The following ARHGEF1 variants were observed in gnomAD, a reference collection of about 807,000 sequenced individuals.
ARHGEF1 encodes 115 kDa guanine nucleotide exchange factor.
A neutral mutation model predicts 119.7 loss-of-function variants in ARHGEF1; 40 were observed. That is an observed-to-expected ratio of 0.33 (90% CI 0.26 to 0.44). The LOEUF (loss-of-function observed/expected upper bound fraction) is 0.44. ARHGEF1 is among the 20% of genes least tolerant of loss of function. The pLI is 1.00. For missense variants in ARHGEF1, 976 were observed against 1,268.3 expected, an observed-to-expected ratio of 0.77 and a Z score of 3.50; for synonymous variants, 494 against 521.0, an observed-to-expected ratio of 0.95 and a Z score of 0.71.
intron 18 of ARHGEF1, among the ~76,000 whole-genome samples, chr19:41,913,746 T>A (rs781785273): frequency 2.2e-5 from 3 of 135,838 alleles, no homozygotes; most frequent in Non-Finnish European, 4.7e-5. Context: ...AGATACTCCA[T>A]CCCCTCCTCA....
intron 11 of ARHGEF1, 62 bp from the exon 12 acceptor site, chr19:41,895,287 G>T: frequency 3.2e-6 from 5 of 1,545,168 alleles, no homozygotes; most frequent in Non-Finnish European, 4.4e-6. Context: ...GCATCCCCTG[G>T]CGGTTGTGGA....
chr19:41,910,179 G>T, downstream of ARHGEF1: 2 of 1,341,540 alleles, frequency 1.5e-6, no homozygotes, highest in Admixed American at 2.3e-5. The surrounding 1 kb of genome is among the most constrained non-coding windows in gnomAD (Gnocchi z 4.4). Flanking sequence ...AGTAACCTGG[G>T]AGGCATGTAG....
At chr19:41,926,731 G>A (rs1341609740) in intron 1 of ARHGEF1, among the ~76,000 whole-genome samples, 2 of 152,170 alleles carry the variant, frequency 1.3e-5, no homozygotes, top group African/African-American at 2.4e-5. Context: ...GAGCGGGCGG[G>A]GGGGCCGTTT....
chr19:41,925,982 G>A (rs1555853231), intron 1 of ARHGEF1, among the ~76,000 whole-genome samples: 2 of 152,084 alleles, frequency 1.3e-5, no homozygotes, highest in African/African-American at 4.8e-5. Flanking sequence ...AGGAATGTGT[G>A]TGTGAGTGTG....
intron 14 of ARHGEF1, among the ~76,000 whole-genome samples, chr19:41,898,952 A>G (rs1038682519): frequency 1.3e-5 from 2 of 152,208 alleles, no homozygotes; most frequent in South Asian, 2.1e-4. Context: ...AATGTTTAGC[A>G]TAGTGCTGGG....
chr19:41,907,424 T>G lies in ARHGEF1; in HGVS notation c.*337T>G. Reference sequence around the variant, plus strand: ...GTTTTTATACCCTGAATTGGAGGTTTATTTTTTAATATATATTATCTAAGA... The same window carrying G: ...GTTTTTATACCCTGAATTGGAGGTTGATTTTTTAATATATATTATCTAAGA... On this transcript the variant is annotated 3_prime_UTR_variant, in exon 29 of 29. Transcript: ENST00000354532. 2.0e-6 allele frequency: 3 copies of G among 1,527,848 alleles called. No individual in the cohort carries two copies. The highest frequency in any genetic ancestry group is 1.7e-6 in the Non-Finnish European group (2 of 1,143,686). 94.6% of individuals were successfully genotyped at this position (1,527,848 alleles called of 1,614,324 possible). A position where few individuals can be genotyped will look rare whatever the true frequency, so the allele number is the denominator to read the frequency against.
chr19:41,892,852 G>A lies in ARHGEF1; in HGVS notation c.614+3G>A. 2.0e-6 allele frequency: 3 copies of A among 1,526,196 alleles called. No homozygotes were observed. The allele number at this position is 1,526,196 out of a possible 1,614,324, so 94.5% of individuals were successfully genotyped here. ...CTCATGCACCTGGAGGAGATGCAGT[G>A]AGTAGGCCAGCCCTGGTGGGAGCGT... is the stretch of plus-strand genomic sequence containing the variant. On this transcript the variant is annotated splice_donor_region_variant and intron_variant, in intron 7 of 28. Coordinates refer to ENST00000354532, the MANE Select transcript of ARHGEF1 (RefSeq NM_004706.4). This position sits in a 1 kb window ranked among gnomAD's most constrained non-coding sequence, Gnocchi z 6.3.
At chr19:41,919,329 T>C (rs1001115757), upstream of ARHGEF1, among the ~76,000 whole-genome samples, 4 of 152,072 alleles carry the variant, frequency 2.6e-5, no homozygotes, top group Non-Finnish European at 4.4e-5. Context: ...TGCAGACACA[T>C]GCGCCATCCA....
At position 41,905,927 on chromosome 19, in the gene ARHGEF1, T is replaced by C. The variant is rs782800686; in HGVS notation, c.2405-12T>C. On this transcript the variant is annotated splice_polypyrimidine_tract_variant and intron_variant, in intron 25 of 28. Coordinates refer to ENST00000354532, the MANE Select transcript of ARHGEF1 (RefSeq NM_004706.4). This position sits in a 1 kb window ranked among gnomAD's most constrained non-coding sequence, Gnocchi z 6.4. ...GGCAGGATCTGAGCTCCCTCTCTGT[T>C]CCCCAATCCAGCCCGGACCGAGAGA... 5 of 1,613,868 alleles carry C rather than the reference T, an allele frequency of 3.1e-6. No individual in the cohort carries two copies. The highest frequency in any genetic ancestry group is 1.6e-4 in the Middle Eastern group (1 of 6,062).
Position 41,906,411 on chromosome 19 carries a change from C to G in ARHGEF1, c.2492-46C>G. On this transcript the variant is annotated intron_variant, in intron 26 of 28. Transcript: ENST00000354532. This position sits in a 1 kb window ranked among gnomAD's most constrained non-coding sequence, Gnocchi z 4.5. ...GGAATCCCCCATCCCAGATCCCAGC[C>G]CAGCCCCCTGGTCTCCTGACTCCAC... The G allele has an allele frequency of 6.6e-7, 1 of 1,516,460 alleles. No individual in the cohort carries two copies. Among genetic ancestry groups the G allele is most frequent in the South Asian group, 1.3e-5 (1 of 74,794 alleles). The allele number at this position is 1,516,460 out of a possible 1,614,324, so 93.9% of individuals were successfully genotyped here. A position where few individuals can be genotyped will look rare whatever the true frequency, so the allele number is the denominator to read the frequency against.
Position 41,899,516 on chromosome 19 carries a change from T to C in ARHGEF1, c.1267+929T>C, listed in dbSNP as rs552666952. 6.0e-5 allele frequency among the ~76,000 whole-genome samples: 9 copies of C among 151,152 alleles called. No homozygotes were observed. In the East Asian group the frequency reaches 1.7e-3, roughly 29 times the overall value. ...GCAAAAAGAGAAAGCTTTTTTTTTTTTTTTTTTTTTAAGACAGAGTTTTGC... is the reference window on the plus strand; with the variant it reads ...GCAAAAAGAGAAAGCTTTTTTTTTTCTTTTTTTTTTAAGACAGAGTTTTGC... On this transcript the variant is annotated intron_variant, in intron 14 of 28. Coordinates refer to ENST00000354532, the MANE Select transcript of ARHGEF1 (RefSeq NM_004706.4).
chr19:41,919,631 G>T (rs1317978909), upstream of ARHGEF1, among the ~76,000 whole-genome samples: 1 of 151,966 alleles, frequency 6.6e-6, no homozygotes, highest in Non-Finnish European at 1.5e-5. Context: ...CAAACACACA[G>T]CTGGTCTGTG....
In ARHGEF1 at chr19:41,905,622, G is replaced by C; in HGVS notation, c.2337-138G>C. On this transcript the variant is annotated intron_variant, in intron 24 of 28. Coordinates refer to ENST00000354532, the MANE Select transcript of ARHGEF1 (RefSeq NM_004706.4). This position sits in a 1 kb window ranked among gnomAD's most constrained non-coding sequence, Gnocchi z 6.4. ...TGTCTTCCATTGTCTGGGCCTCTCT[G>C]TCTCCCTGTCTCCCGGCCTCGACCT... The C allele has an allele frequency of 1.2e-6, 1 of 839,238 alleles. No individual in the cohort carries two copies. Among genetic ancestry groups the C allele is most frequent in the Non-Finnish European group, 1.9e-6 (1 of 539,684 alleles). The allele number at this position is 839,238 out of a possible 1,614,324, so 52.0% of individuals were successfully genotyped here. A position where few individuals can be genotyped will look rare whatever the true frequency, so the allele number is the denominator to read the frequency against.
At position 41,904,220 on chromosome 19, in the gene ARHGEF1, G is replaced by T. The variant is rs782365789; in HGVS notation, c.1998G>T (p.Val666=). 1.2e-6 allele frequency: 2 copies of T among 1,613,566 alleles called. No homozygotes were observed. The highest frequency in any genetic ancestry group is 3.3e-5 in the Admixed American group (2 of 59,990). ...WRVTKDKAVE[V]HVLLLDDLLL... ...TGAGCACTGCTCGCCCCGTAGAGGT[G>T]CATGTGCTGCTGCTGGACGACCTGC... is the stretch of plus-strand genomic sequence containing the variant. The change falls in exon 22 of 29, where the codon GTG becomes GTT. Residue 666 remains valine (V), a synonymous_variant. Coordinates refer to ENST00000354532, the MANE Select transcript of ARHGEF1 (RefSeq NM_004706.4). This position sits in a 1 kb window ranked among gnomAD's most constrained non-coding sequence, Gnocchi z 8.4.
rs372821546 is a variant in ARHGEF1, at chr19:41,903,798, C to T, written c.1917+14C>T. ...AGCGAGTTCAAGGTGTGACCATACC[C>T]TCCTGCCTCCCCCGCCCCCCTACTC... On this transcript the variant is annotated intron_variant, in intron 20 of 28. Coordinates refer to ENST00000354532, the MANE Select transcript of ARHGEF1 (RefSeq NM_004706.4). This position sits in a 1 kb window ranked among gnomAD's most constrained non-coding sequence, Gnocchi z 4.2. 8.1e-4 allele frequency: 1,299 copies of T among 1,612,334 alleles called. 1 individual carries two copies. The highest frequency in any genetic ancestry group is 7.1e-4 in the Non-Finnish European group (840 of 1,179,636).
At chr19:41,909,369 G>A, downstream of ARHGEF1, 1 of 1,236,896 alleles carries the variant, frequency 8.1e-7, no homozygotes, top group Non-Finnish European at 1.0e-6. The surrounding 1 kb of genome is among the most constrained non-coding windows in gnomAD (Gnocchi z 5.2). Context: ...CTGCCGCCAT[G>A]TCCAGCAGCG....
chr19:41,920,901 C>A (rs1320477498), upstream of ARHGEF1, among the ~76,000 whole-genome samples: 4 of 152,198 alleles, frequency 2.6e-5, no homozygotes, highest in African/African-American at 9.6e-5. Flanking sequence ...ACCCACACCC[C>A]CCTCCCTCTG....
Position 41,905,639 on chromosome 19 carries a change from C to A in ARHGEF1, c.2337-121C>A. On this transcript the variant is annotated intron_variant, in intron 24 of 28. Transcript: ENST00000354532. The surrounding 1 kb of genome is among the most constrained non-coding windows in gnomAD (Gnocchi z 6.4). The stretch of plus-strand genomic sequence containing the variant: ...GCCTCTCTGTCTCCCTGTCTCCCGG[C>A]CTCGACCTCTGTCTCTGTCTCCGGA... 9.9e-7 allele frequency: 1 copy of A among 1,005,796 alleles called. No homozygotes were observed. The highest frequency in any genetic ancestry group is 1.5e-6 in the Non-Finnish European group (1 of 675,422). The allele number at this position is 1,005,796 out of a possible 1,614,324, so 62.3% of individuals were successfully genotyped here.
At chr19:41,907,455 T>A, downstream of ARHGEF1, 2 of 1,494,042 alleles carry the variant, frequency 1.3e-6, no homozygotes, top group African/African-American at 2.8e-5. Context: ...TAAGAAGAGA[T>A]CTGTGTGTGT....
Sources: gnomAD v4.1 joint callset for allele counts (sites outside exome capture counted in the v4.1 genomes callset) on GRCh38, gnomAD v4.1.1 for gene constraint, Gnocchi (gnomAD v3.1) non-coding constraint, MANE v1.5 for transcripts, NCBI Gene and HGNC (gene_info 2026-07-23, HGNC 2026-07-21) for gene names.